The following ARB2A variants were observed in gnomAD, a reference collection of about 807,000 sequenced individuals.
The protein encoded by ARB2A is cotranscriptional regulator ARB2A.
At chr5:93,740,140 TAC>T in the ARB2A span, 1 of 155,036 alleles carries the variant, frequency 6.5e-6, no homozygotes, top group South Asian at 2.0e-4. Flanking sequence ...TGTTTGTGTT[TAC>T]ACAGAGTTCT....
At chr5:93,617,772 T>C in the ARB2A span, among the ~76,000 whole-genome samples, 1 of 152,178 alleles carries the variant, frequency 6.6e-6, no homozygotes, top group Non-Finnish European at 1.5e-5. Context: ...GTGTATTTTA[T>C]AAAACAACAA....
At chr5:93,707,578 T>C in the ARB2A span, among the ~76,000 whole-genome samples, 207 of 146,678 alleles carry the variant, frequency 1.4e-3, no homozygotes, top group African/African-American at 4.6e-3. Context: ...TTTTCTTTCT[T>C]TTTTTTTTTT....
At chr5:93,654,200 C>T in the ARB2A span, among the ~76,000 whole-genome samples, 27 of 152,220 alleles carry the variant, frequency 1.8e-4, no homozygotes, top group African/African-American at 6.5e-4. Context: ...TCTTGAAAGG[C>T]TTAATGGCAT....
chr5:93,884,827 C>T, the ARB2A span, among the ~76,000 whole-genome samples: 1 of 151,406 alleles, frequency 6.6e-6, no homozygotes, highest in Non-Finnish European at 1.5e-5. Context: ...CATTCATAAC[C>T]ATTTTGTAAT....
At chr5:94,100,018 T>C in the ARB2A span, among the ~76,000 whole-genome samples, 1 of 152,206 alleles carries the variant, frequency 6.6e-6, no homozygotes, top group African/African-American at 2.4e-5. Context: ...GCAGATGACA[T>C]GATTCTATAT....
At chr5:94,008,645 T>A in the ARB2A span, among the ~76,000 whole-genome samples, 1 of 152,174 alleles carries the variant, frequency 6.6e-6, no homozygotes, top group African/African-American at 2.4e-5. Flanking sequence ...CTATCTTCAA[T>A]TTGTGGCTAA....
At chr5:94,090,418 T>C in the ARB2A span, among the ~76,000 whole-genome samples, 2 of 152,204 alleles carry the variant, frequency 1.3e-5, no homozygotes, top group Non-Finnish European at 2.9e-5. Context: ...CTTAAGGAGA[T>C]TTTGGGATGA....
the ARB2A span, among the ~76,000 whole-genome samples, chr5:94,099,277 C>T: frequency 6.6e-6 from 1 of 152,072 alleles, no homozygotes; most frequent in South Asian, 2.1e-4. Flanking sequence ...AGCTAATCCA[C>T]CATGATAAAG....
At chr5:93,728,583 G>A in the ARB2A span, among the ~76,000 whole-genome samples, 4 of 151,838 alleles carry the variant, frequency 2.6e-5, no homozygotes, top group African/African-American at 9.7e-5. Context: ...ATTGACTCTT[G>A]ATAAGAACAG....
chr5:93,748,771 T>C, the ARB2A span, among the ~76,000 whole-genome samples: 3 of 152,042 alleles, frequency 2.0e-5, no homozygotes, highest in East Asian at 3.9e-4. Context: ...GAAAAAATAA[T>C]AAAACTAATT....
At chr5:93,856,831 G>T in the ARB2A span, among the ~76,000 whole-genome samples, 1 of 151,990 alleles carries the variant, frequency 6.6e-6, no homozygotes, top group Admixed American at 6.5e-5. Flanking sequence ...GTGAGGAACT[G>T]CGTTCCTTTG....
At chr5:93,817,848 G>A in the ARB2A span, among the ~76,000 whole-genome samples, 1 of 151,822 alleles carries the variant, frequency 6.6e-6, no homozygotes, top group Non-Finnish European at 1.5e-5. Flanking sequence ...TAGATAAATT[G>A]GACTTCATCA....
At chr5:94,053,760 GTTTTTC>G in the ARB2A span, among the ~76,000 whole-genome samples, 2 of 152,024 alleles carry the variant, frequency 1.3e-5, no homozygotes, top group Admixed American at 6.6e-5. Flanking sequence ...CTGTCAAGGA[GTTTTTC>G]TTTTTCTTTT....
At chr5:93,833,811 C>T in the ARB2A span, among the ~76,000 whole-genome samples, 1 of 152,188 alleles carries the variant, frequency 6.6e-6, no homozygotes, top group African/African-American at 2.4e-5. Flanking sequence ...AGGGTTTTTA[C>T]ACCTTCGAAT....
At chr5:93,676,120 A>C in the ARB2A span, among the ~76,000 whole-genome samples, 1 of 152,216 alleles carries the variant, frequency 6.6e-6, no homozygotes, top group Non-Finnish European at 1.5e-5. Flanking sequence ...AATACAACCA[A>C]GATTGTAGAA....
the ARB2A span, among the ~76,000 whole-genome samples, chr5:93,744,218 T>A: frequency 6.6e-6 from 1 of 151,556 alleles, no homozygotes; most frequent in Non-Finnish European, 1.5e-5. Context: ...GGGTGGATCA[T>A]GAAGTCAGGA....
chr5:93,985,441 T>G, the ARB2A span, among the ~76,000 whole-genome samples: 11 of 150,258 alleles, frequency 7.3e-5, no homozygotes, highest in Admixed American at 7.3e-4. Context: ...CTCCCTCTTC[T>G]CCATCTCCCG....
chr5:93,830,680 T>A, the ARB2A span, among the ~76,000 whole-genome samples: 2 of 152,046 alleles, frequency 1.3e-5, no homozygotes, highest in East Asian at 3.9e-4. Flanking sequence ...TAGGTTTTCT[T>A]ACAACAGACT....
chr5:93,849,539 A>C, the ARB2A span, among the ~76,000 whole-genome samples: 1 of 152,088 alleles, frequency 6.6e-6, no homozygotes, highest in Non-Finnish European at 1.5e-5. Flanking sequence ...AACTCTGTAC[A>C]ATCAGTTACC....
Sources: gnomAD v4.1 joint callset for allele counts (sites outside exome capture counted in the v4.1 genomes callset) on GRCh38, gnomAD v4.1.1 for gene constraint, MANE v1.5 for transcripts, NCBI Gene and HGNC (gene_info 2026-07-23, HGNC 2026-07-21) for gene names.